The following KIAA0586 variants were observed in gnomAD, a reference collection of about 807,000 sequenced individuals.
KIAA0586 encodes protein TALPID3.
KIAA0586 carries 144 observed loss-of-function variants against 169.8 expected under a neutral mutation model. That is an observed-to-expected ratio of 0.85 (90% CI 0.74 to 0.97). KIAA0586 has a LOEUF of 0.97. Ranked by LOEUF, KIAA0586 falls within the 50% of genes least tolerant of loss-of-function variation. KIAA0586 has a pLI of 0.00. For synonymous variants in KIAA0586, 625 were observed against 612.4 expected (o/e 1.02, Z -0.30); for missense variants, 1,854 against 1,823.0 (o/e 1.02, Z -0.31).
intron 14 of KIAA0586, chr14:58,464,114 G>A (rs1210257266): frequency 2.5e-6 from 1 of 402,398 alleles, no homozygotes; most frequent in Non-Finnish European, 5.0e-6. Flanking sequence ...ACACAGGCTG[G>A]GCTGGAAGAA....
intron 27 of KIAA0586, among the ~76,000 whole-genome samples, chr14:58,507,253 C>CAT (rs10683337): frequency 0.96 from 138,267 of 144,486 alleles, 66,165 homozygotes; most frequent in East Asian, 0.99. Context: ...ATATATAAAT[C>CAT]ATGTATGATT....
intron 4 of KIAA0586, among the ~76,000 whole-genome samples, chr14:58,436,766 T>C (rs1595083726): frequency 6.6e-6 from 1 of 152,154 alleles, no homozygotes; most frequent in Non-Finnish European, 1.5e-5. Flanking sequence ...AAGATAAATT[T>C]GGAAAAGCAA....
chr14:58,470,705 T>A lies in KIAA0586; in HGVS notation c.2535T>A (p.Pro845=), dbSNP rs780211396. 19 of 1,571,144 alleles carry A rather than the reference T, an allele frequency of 1.2e-5. No individual in the cohort carries two copies. The South Asian group carries it at 2.1e-4, about 17-fold the overall frequency. Residue 845 remains proline, a synonymous_variant, in exon 17 of 31, where the codon CCT becomes CCA. Coordinates refer to ENST00000652326, the MANE Select transcript of KIAA0586 (RefSeq NM_001329943.3). Reference sequence around the variant, plus strand: ...GCCCCAAAGAAGCATCTCTTCCTCCTGTGCAAACTTGGATAAAGGTATATT... The same window carrying A: ...GCCCCAAAGAAGCATCTCTTCCTCCAGTGCAAACTTGGATAAAGGTATATT... The part of the protein sequence containing the change: ...LSSPKEASLP[P]VQTWIKTPEI...
chr14:58,463,207 G>T (rs1307282818), intron 14 of KIAA0586, among the ~76,000 whole-genome samples: 2 of 152,086 alleles, frequency 1.3e-5, no homozygotes, highest in African/African-American at 4.8e-5. Context: ...TCTATTCAAA[G>T]AATTATCTCC....
Position 58,472,299 on chromosome 14 carries a change from A to G in KIAA0586, c.2634+20A>G, listed in dbSNP as rs546773198. 24 of 1,392,994 alleles carry G rather than the reference A, an allele frequency of 1.7e-5. No homozygotes were observed. The East Asian group carries it at 3.6e-4, about 21-fold the overall frequency. 86.3% of individuals were successfully genotyped at this position (1,392,994 alleles called of 1,614,324 possible). ...ATACAGGTAACAAAGCTTAGAAACC[A>G]TGAGAAATTATTTTTCTACCGGTAT... On this transcript the variant is annotated intron_variant, in intron 18 of 30. Transcript: ENST00000652326.
At chr14:58,538,625 A>G (rs543890802) in intron 29 of KIAA0586, among the ~76,000 whole-genome samples, 17 of 151,734 alleles carry the variant, frequency 1.1e-4, no homozygotes, top group East Asian at 3.9e-4. Context: ...ATTTTTTACT[A>G]TAGTCACCCT....
At chr14:58,499,980 A>G in intron 27 of KIAA0586, among the ~76,000 whole-genome samples, 1 of 152,266 alleles carries the variant, frequency 6.6e-6, no homozygotes, top group East Asian at 1.9e-4. Context: ...ATGCTATATG[A>G]ATTTCAGTAG....
intron 29 of KIAA0586, among the ~76,000 whole-genome samples, chr14:58,533,763 T>G (rs1282377101): frequency 6.6e-6 from 1 of 152,204 alleles, no homozygotes; most frequent in African/African-American, 2.4e-5. Flanking sequence ...GAACTTGGAC[T>G]GGCCCTTATT....
rs969178999 is a variant in KIAA0586 at position 58,549,121 on chromosome 14, A to AG, written c.*1189_*1190insG. The stretch of plus-strand genomic sequence containing the variant: ...AGGCAGCCTAGCACTAGTGAAAAAA[A>AG]TTTACCTCCCAGAAAAATCATTTTC... On this transcript the variant is annotated 3_prime_UTR_variant, in exon 31 of 31. Transcript: ENST00000652326. 1 of 152,156 alleles carries AG rather than the reference A, an allele frequency of 6.6e-6. No homozygotes were observed. Among genetic ancestry groups the AG allele is most frequent in the Admixed American group, 6.5e-5 (1 of 15,276 alleles). The allele number at this position is 152,156 out of a possible 1,614,324, so 9.4% of individuals were successfully genotyped here. A position where few individuals can be genotyped will look rare whatever the true frequency, so the allele number is the denominator to read the frequency against.
At chr14:58,535,214 G>A (rs2046205716) in intron 29 of KIAA0586, among the ~76,000 whole-genome samples, 1 of 148,512 alleles carries the variant, frequency 6.7e-6, no homozygotes, top group South Asian at 2.2e-4. Flanking sequence ...TGATCTGAGA[G>A]GAATTTGTTT....
rs187719527 is a variant in KIAA0586, at chr14:58,469,952, G to T, written c.2443-661G>T. Among the ~76,000 whole-genome samples the T allele has an allele frequency of 2.6e-3, 389 of 152,044 alleles. 4 individuals are homozygous for T. Among genetic ancestry groups the T allele is most frequent in the African/African-American group, 9.0e-3 (372 of 41,490 alleles). On this transcript the variant is annotated intron_variant, in intron 16 of 30. Coordinates refer to ENST00000652326, the MANE Select transcript of KIAA0586 (RefSeq NM_001329943.3). ...TATGTTTTTGATGATGTAAATAGAG[G>T]TTGTTAGGATTACATTTCACCAGTA...
downstream of KIAA0586, among the ~76,000 whole-genome samples, chr14:58,555,099 CT>C (rs35845234): frequency 0.16 from 15,895 of 102,412 alleles, 846 homozygotes; most frequent in African/African-American, 0.3. Context: ...TTCTTTCTTT[CT>C]TTTTTTTTTT....
chr14:58,463,394 C>G (rs991993211), intron 14 of KIAA0586, among the ~76,000 whole-genome samples: 1 of 152,130 alleles, frequency 6.6e-6, no homozygotes, highest in Non-Finnish European at 1.5e-5. Context: ...ATGTTTAACA[C>G]ATATTAAATG....
intron 4 of KIAA0586, among the ~76,000 whole-genome samples, chr14:58,439,183 C>T (rs759248035): frequency 5.3e-5 from 8 of 151,944 alleles, no homozygotes; most frequent in Non-Finnish European, 1.0e-4. Flanking sequence ...ACTGCCATTG[C>T]TTTTTTTCTT....
At chr14:58,490,125 T>C in intron 24 of KIAA0586, 39 bp from the exon 25 acceptor site, 1 of 1,007,782 alleles carries the variant, frequency 9.9e-7, no homozygotes, top group South Asian at 1.6e-5. Flanking sequence ...AAGTTTGTGT[T>C]TCTTTTTTTT....
intron 10 of KIAA0586, 110 bp from the exon 11 acceptor site, chr14:58,457,649 C>A (rs2039980733): frequency 1.5e-6 from 1 of 656,616 alleles, no homozygotes; most frequent in African/African-American, 1.8e-5. Context: ...CAAATTGAGT[C>A]CTTAGAATAT....
rs758419341 is a variant in KIAA0586, at chr14:58,448,333, C to T, written c.808-7C>T. ...TGAAAATAATAAAATAATCTTATTT[C>T]TTCTAGACTCATTTTATTAGTGCTG... On this transcript the variant is annotated splice_polypyrimidine_tract_variant and splice_region_variant and intron_variant, in intron 6 of 30. Transcript: ENST00000652326. 1.3e-6 allele frequency: 2 copies of T among 1,515,022 alleles called. No individual in the cohort carries two copies. The highest frequency in any genetic ancestry group is 2.4e-5 in the South Asian group (2 of 82,878). The allele number at this position is 1,515,022 out of a possible 1,614,324, so 93.8% of individuals were successfully genotyped here.
Position 58,467,783 on chromosome 14 carries a change from T to G in KIAA0586, c.2303T>G (p.Val768Gly). 1.9e-6 allele frequency: 3 copies of G among 1,613,844 alleles called. No individual in the cohort carries two copies. The highest frequency in any genetic ancestry group is 8.5e-7 in the Non-Finnish European group (1 of 1,179,794). ...ACCATGCCACCTGCTGGAGTGATTGTCAGCAAGCCACACCCTGTAACTGTG... is the reference window on the plus strand; with the variant it reads ...ACCATGCCACCTGCTGGAGTGATTGGCAGCAAGCCACACCCTGTAACTGTG... ...SDTMPPAGVI[V>G]SKPHPVTVTT... Residue 768 changes from valine (V) to glycine (G), a missense_variant, in exon 16 of 31, where the codon GTC becomes GGC. By Grantham distance (109) the Val-to-Gly change is moderately radical (BLOSUM62 -3). Coordinates refer to ENST00000652326, the MANE Select transcript of KIAA0586 (RefSeq NM_001329943.3).
chr14:58,469,405 C>A (rs1338360227), intron 16 of KIAA0586, among the ~76,000 whole-genome samples: 1 of 152,188 alleles, frequency 6.6e-6, no homozygotes, highest in Non-Finnish European at 1.5e-5. Flanking sequence ...TTATAGCAGT[C>A]TTTGGGCATC....
Sources: gnomAD v4.1 joint callset for allele counts (sites outside exome capture counted in the v4.1 genomes callset) on GRCh38, gnomAD v4.1.1 for gene constraint, MANE v1.5 for transcripts, NCBI Gene and HGNC (gene_info 2026-07-23, HGNC 2026-07-21) for gene names.